The following UBE2Q1 variants were observed in gnomAD, a reference collection of about 807,000 sequenced individuals.
The protein encoded by UBE2Q1 is ubiquitin conjugating enzyme E2 Q1.
A neutral mutation model predicts 60.1 loss-of-function variants in UBE2Q1; 6 were observed. The observed-to-expected ratio is 0.10, with a 90% confidence interval of 0.05 to 0.20. UBE2Q1 has a LOEUF of 0.20. Among genes scored for constraint, UBE2Q1 ranks in the 10% least tolerant of loss-of-function variants. The probability of loss-of-function intolerance (pLI) is 1.00; values close to 1 mark genes in which losing one functional copy is unlikely to be tolerated. For missense variants in UBE2Q1, 262 were observed against 525.8 expected (o/e 0.50, Z 4.91); for synonymous variants, 226 against 208.3 (o/e 1.09, Z -0.73).
chr1:154,551,504 G>T lies in UBE2Q1; in HGVS notation c.1075-12C>A. 6.2e-7 allele frequency: 1 copy of T among 1,613,518 alleles called. No homozygotes were observed. The highest frequency in any genetic ancestry group is 8.5e-7 in the Non-Finnish European group (1 of 1,179,482). On this transcript the variant is annotated splice_polypyrimidine_tract_variant and intron_variant, in intron 10 of 12. Transcript: ENST00000292211. ...GCACTGCTCCAGCCCTGGGTGAAGGGAAGGACAAGGCAAGCAGGTCCAGAT... is the reference window on the plus strand; with the variant it reads ...GCACTGCTCCAGCCCTGGGTGAAGGTAAGGACAAGGCAAGCAGGTCCAGAT...
chr1:154,551,675 C>A, intron 10 of UBE2Q1, 96 bp downstream of exon 10: 1 of 1,554,368 alleles, frequency 6.4e-7, no homozygotes, highest in East Asian at 2.2e-5. Flanking sequence ...GAAAGGGCCA[C>A]ATCATGTCTA....
intron 3 of UBE2Q1, chr1:154,555,148 T>G (rs980765699): frequency 5.4e-6 from 3 of 557,250 alleles, no homozygotes; most frequent in Non-Finnish European, 9.6e-6. Flanking sequence ...GGCCACCAAC[T>G]GTTATTGCTA....
Position 154,555,506 on chromosome 1 carries a change from G to T in UBE2Q1, c.459C>A (p.Ile153=), listed in dbSNP as rs1695867223. 1 of 1,614,066 alleles carries T rather than the reference G, an allele frequency of 6.2e-7. No homozygotes were observed. The change falls in exon 3 of 13, where the codon ATC becomes ATA. Residue 153 remains isoleucine (I), a synonymous_variant. Transcript: ENST00000292211. The part of the protein sequence containing the change: ...TLLLQHLKRI[I]SDLCKLYNLP... ...GGTTATAGAGTTTACACAGGTCGGAGATGATCCTCTTCAGATGCTGCAATA... is the reference window on the plus strand; with the variant it reads ...GGTTATAGAGTTTACACAGGTCGGATATGATCCTCTTCAGATGCTGCAATA...
intron 3 of UBE2Q1, chr1:154,555,129 G>A: frequency 1.8e-6 from 1 of 548,140 alleles, no homozygotes; most frequent in Non-Finnish European, 3.3e-6. Context: ...AGGGGCCTGG[G>A]TCCCCAGTGG....
chr1:154,550,748 T>C, intron 12 of UBE2Q1, 190 bp downstream of exon 12: 2 of 985,420 alleles, frequency 2.0e-6, no homozygotes, highest in Non-Finnish European at 2.4e-6. Flanking sequence ...ACGATCATTT[T>C]GGTGTGTTTC....
intron 7 of UBE2Q1, 47 bp downstream of exon 7, chr1:154,552,357 T>G (rs1451358470): frequency 6.2e-7 from 1 of 1,611,310 alleles, no homozygotes; most frequent in Non-Finnish European, 8.5e-7. Flanking sequence ...GTAGCCCCAC[T>G]CACACTCCTC....
rs529104794 is a variant in UBE2Q1 at position 154,557,920 on chromosome 1, G to A, written c.327+307C>T. Among the ~76,000 whole-genome samples, 34 of 152,110 alleles carry A rather than the reference G, an allele frequency of 2.2e-4. 1 individual carries two copies. Among genetic ancestry groups the A allele is most frequent in the Non-Finnish European group, 1.5e-5 (1 of 67,996 alleles). On this transcript the variant is annotated intron_variant, in intron 1 of 12. Transcript: ENST00000292211. ...AGAAAGACGCATTCCTAGGTGGCAA[G>A]GTAAAGTTGTGGAGGAGTAGCCAAA...
intron 5 of UBE2Q1, 48 bp downstream of exon 5, chr1:154,552,984 C>A (rs766977262): frequency 1.2e-6 from 2 of 1,608,676 alleles, no homozygotes; most frequent in East Asian, 2.2e-5. Flanking sequence ...TACTTCCCAG[C>A]CATTTCCCAC....
intron 9 of UBE2Q1, 40 bp from the exon 10 acceptor site, chr1:154,551,859 T>TC (rs1162229342): frequency 1.2e-6 from 2 of 1,614,158 alleles, no homozygotes; most frequent in Admixed American, 1.7e-5. Context: ...TGACAAAATC[T>TC]CCAAGTCTCT....
intron 3 of UBE2Q1, chr1:154,555,106 T>C (rs754998989): frequency 1.8e-6 from 1 of 542,386 alleles, no homozygotes; most frequent in Non-Finnish European, 3.3e-6. Flanking sequence ...TATTGCATTC[T>C]TGGTTCTCAC....
chr1:154,558,206 C>T (rs746378343), intron 1 of UBE2Q1, 21 bp downstream of exon 1: 21 of 1,502,338 alleles, frequency 1.4e-5, no homozygotes, highest in Non-Finnish European at 1.9e-5. Context: ...CCCACAGAGG[C>T]GCACGCGAGG....
intron 2 of UBE2Q1, among the ~76,000 whole-genome samples, 164 bp from the exon 3 acceptor site, chr1:154,555,696 C>T (rs1427135910): frequency 6.6e-6 from 1 of 152,050 alleles, no homozygotes; most frequent in African/African-American, 2.4e-5. Flanking sequence ...ATCCCAGGGC[C>T]GATGCAGGGT....
At chr1:154,552,841 G>A in intron 5 of UBE2Q1, 21 bp from the exon 6 acceptor site, 1 of 1,613,222 alleles carries the variant, frequency 6.2e-7, no homozygotes, top group Non-Finnish European at 8.5e-7. Flanking sequence ...CGGATGACAG[G>A]AACATTCCTT....
At chr1:154,552,952 A>C in intron 5 of UBE2Q1, 80 bp downstream of exon 5, 1 of 1,600,186 alleles carries the variant, frequency 6.2e-7, no homozygotes. Flanking sequence ...TCTGCTCTCC[A>C]TACTGAGATG....
At position 154,558,662 on chromosome 1, in the gene UBE2Q1, T is replaced by G. The variant is rs1466876726; in HGVS notation, c.-109A>C. On this transcript the variant is annotated 5_prime_UTR_variant, in exon 1 of 13. Coordinates refer to ENST00000292211, the MANE Select transcript of UBE2Q1 (RefSeq NM_017582.7). ...CGCCGCCGCCGCGGTCCGCACTTCCTGATCCCCCCTTCGCCAAGATGGCGC... is the reference window on the plus strand; with the variant it reads ...CGCCGCCGCCGCGGTCCGCACTTCCGGATCCCCCCTTCGCCAAGATGGCGC... 7 of 969,134 alleles carry G rather than the reference T, an allele frequency of 7.2e-6. No individual in the cohort carries two copies. The South Asian group carries it at 1.4e-4, about 19-fold the overall frequency. 60.0% of individuals were successfully genotyped at this position (969,134 alleles called of 1,614,324 possible).
rs1255879014 is a variant in UBE2Q1 at position 154,551,392 on chromosome 1, C to G, written c.1170+5G>C. 6.2e-7 allele frequency: 1 copy of G among 1,613,826 alleles called. No homozygotes were observed. Among genetic ancestry groups the G allele is most frequent in the Admixed American group, 1.7e-5 (1 of 60,010 alleles). On this transcript the variant is annotated splice_donor_5th_base_variant and intron_variant, in intron 11 of 12. Coordinates refer to ENST00000292211, the MANE Select transcript of UBE2Q1 (RefSeq NM_017582.7). ...CCCCACCAGCCCCAGGACCAGGATC[C>G]TTACTTTGTTGGCTCCAAACTGCAC...
chr1:154,557,934 G>A (rs1695920854), intron 1 of UBE2Q1, among the ~76,000 whole-genome samples: 1 of 152,030 alleles, frequency 6.6e-6, no homozygotes, highest in Non-Finnish European at 1.5e-5. Flanking sequence ...AAGTTGTGGA[G>A]GAGTAGCCAA....
At chr1:154,551,856 A>G in intron 9 of UBE2Q1, 37 bp from the exon 10 acceptor site, 1 of 1,614,176 alleles carries the variant, frequency 6.2e-7, no homozygotes, top group South Asian at 1.1e-5. Context: ...GCCTGACAAA[A>G]TCTCCAAGTC....
chr1:154,554,604 G>T (rs1293474682), intron 4 of UBE2Q1, 131 bp downstream of exon 4: 3 of 950,652 alleles, frequency 3.2e-6, no homozygotes, highest in East Asian at 5.3e-5. Context: ...TATTCCTCCA[G>T]GTCAGTAAAT....
Sources: allele counts gnomAD v4.1 joint callset (sites outside exome capture counted in the v4.1 genomes callset), GRCh38; gene constraint gnomAD v4.1.1; transcripts MANE v1.5; gene names NCBI Gene and HGNC (gene_info 2026-07-23, HGNC 2026-07-21).